ARSH: variants seen among roughly 807,000 people sequenced by gnomAD.
ARSH encodes the protein arylsulfatase family member H, also known as arylsulfatase H.
Under a neutral mutation model 28.7 loss-of-function variants are expected in ARSH, and 32 were observed. The observed-to-expected ratio is 1.11, with a 90% CI of 0.84 to 1.50. The LOEUF (loss-of-function observed/expected upper bound fraction) is 1.50, where lower values mean the gene tolerates loss of function less well. ARSH is among the 40% of genes most tolerant of loss of function. The pLI, the probability that ARSH is intolerant of heterozygous loss-of-function variation, is 0.00. For missense variants in ARSH, 440 were observed against 452.4 expected, an observed-to-expected ratio of 0.97 and a Z score of 0.25; for synonymous variants, 176 against 177.3, an observed-to-expected ratio of 0.99 and a Z score of 0.06.
intron 5 of ARSH, 43 bp from the exon 6 acceptor site, chrX:3,023,978 T>G: frequency 8.3e-7 from 1 of 1,205,131 alleles, no homozygotes; most frequent in Non-Finnish European, 1.1e-6. Flanking sequence ...AGTGGTGATC[T>G]GCATCAAGAG....
At chrX:3,015,520 C>T in intron 4 of ARSH, 127 bp downstream of exon 4, 1 of 669,433 alleles carries the variant, frequency 1.5e-6, no homozygotes, top group African/African-American at 2.2e-5. Context: ...ATTTGGCTTT[C>T]TGTTCCTGTA....
chrX:3,021,685 C>T (rs2089884379), intron 5 of ARSH, among the ~76,000 whole-genome samples: 1 of 101,674 alleles, frequency 9.8e-6, no homozygotes, highest in Non-Finnish European at 2.0e-5. Context: ...AAACTTGTGC[C>T]TATTAAAAAA....
At chrX:3,017,378 C>T (rs1569123719) in intron 4 of ARSH, among the ~76,000 whole-genome samples, 1 of 110,266 alleles carries the variant, frequency 9.1e-6, no homozygotes, top group Non-Finnish European at 1.9e-5. Flanking sequence ...CCAGACTGGG[C>T]AATATAGTGA....
At chrX:3,017,990 T>C (rs2089870469) in intron 4 of ARSH, among the ~76,000 whole-genome samples, 2 of 112,176 alleles carry the variant, frequency 1.8e-5, no homozygotes, top group African/African-American at 6.5e-5. Flanking sequence ...TAAAATGAAC[T>C]GCGTTAAACA....
At position 3,018,643 on chromosome X, in the gene ARSH, A is replaced by G. The variant is rs1904309221; in HGVS notation, c.874A>G (p.Asn292Asp). The change falls in exon 5 of 9, where the codon AAT (asparagine) becomes GAT (aspartate). Residue 292 changes from asparagine to aspartate, a missense_variant. Physicochemically the swap from Asn to Asp is conservative, Grantham distance 23 (BLOSUM62 1). Transcript: ENST00000381130. ...GRSKYGRYGD[N>D]VEEMDWMVGK... ...CAGTAAATATGGCAGGTATGGGGAC[A>G]ATGTAGAAGAAATGGATTGGATGGT... 1 of 1,208,780 alleles carries G rather than the reference A, an allele frequency of 8.3e-7. No homozygotes were observed. The highest frequency in any genetic ancestry group is 2.2e-5 in the Admixed American group (1 of 45,567).
chrX:3,024,207 A>G, intron 6 of ARSH, 52 bp downstream of exon 6: 1 of 1,058,779 alleles, frequency 9.4e-7, no homozygotes, highest in East Asian at 3.4e-5. Context: ...AGTAGTCTCT[A>G]TTGGCTTTGT....
rs1244438253 is a variant in ARSH at position 3,015,255 on chromosome X, CT to C, written c.628del (p.Ser210ProfsTer17). On this transcript the variant is annotated frameshift_variant, in exon 4 of 9. Coordinates refer to ENST00000381130, the MANE Select transcript of ARSH (RefSeq NM_001011719.2). LOFTEE classifies it high-confidence loss of function. Reference protein sequence around the residue: ...VFALLAFLFFTSWYSSYGFTR... With the variant: ...VFALLAFLFFXSWYSSYGFTR... ...GCTCTCCTCGCCTTTCTGTTTTTCA[CT>C]TCCTGGTACTCTAGTTATGGATTTA... The C allele has an allele frequency of 8.3e-7, 1 of 1,209,442 alleles. No homozygotes were observed. The highest frequency in any genetic ancestry group is 3.0e-5 in the East Asian group (1 of 33,761).
intron 6 of ARSH, 55 bp downstream of exon 6, chrX:3,024,210 G>A (rs144609105): frequency 0.015 from 16,157 of 1,052,883 alleles, 113 homozygotes; most frequent in Non-Finnish European, 0.018. Flanking sequence ...AGTCTCTATT[G>A]GCTTTGTGTT....
intron 7 of ARSH, 25 bp from the exon 8 acceptor site, chrX:3,029,222 T>C (rs753697507): frequency 1.7e-6 from 2 of 1,202,056 alleles, no homozygotes; most frequent in South Asian, 3.7e-5. Flanking sequence ...CTCATCACCT[T>C]CTACACACCC....
Position 3,033,961 on chromosome X carries a change from C to T in ARSH, c.*576C>T, listed in dbSNP as rs1449891409. ...CTTTGCTTCCTCGTAGCTATATCAT[C>T]GTGGAAATGTCTCTGTGATTTGGTT... On this transcript the variant is annotated 3_prime_UTR_variant, in exon 9 of 9. Coordinates refer to ENST00000381130, the MANE Select transcript of ARSH (RefSeq NM_001011719.2). 6.3e-5 allele frequency among the ~76,000 whole-genome samples: 7 copies of T among 111,486 alleles called. No homozygotes were observed. Among genetic ancestry groups the T allele is most frequent in the African/African-American group, 2.3e-4 (7 of 30,687 alleles).
chrX:3,015,831 G>GA (rs1011298483), intron 4 of ARSH, among the ~76,000 whole-genome samples: 5 of 106,348 alleles, frequency 4.7e-5, no homozygotes, highest in Non-Finnish European at 9.7e-5. Context: ...AAAAGCTGAG[G>GA]AAAAAAAAAC....
At chrX:3,022,758 C>T (rs768705319) in intron 5 of ARSH, among the ~76,000 whole-genome samples, 1 of 111,679 alleles carries the variant, frequency 9.0e-6, no homozygotes, top group African/African-American at 3.2e-5. Context: ...TAACCATAAC[C>T]CAAACAGCAA....
In ARSH at chrX:3,006,557, G is replaced by A; in HGVS notation, c.-56G>A. On this transcript the variant is annotated 5_prime_UTR_variant, in exon 1 of 9. Coordinates refer to ENST00000381130, the MANE Select transcript of ARSH (RefSeq NM_001011719.2). ...CTTATTTCTAAAAATGCTTTCAGGA[G>A]CTGCTGGCTGTCAGTGTCCCTGTGC... is the stretch of plus-strand genomic sequence containing the variant. 1 of 1,019,948 alleles carries A rather than the reference G, an allele frequency of 9.8e-7. No homozygotes were observed. The highest frequency in any genetic ancestry group is 2.0e-5 in the South Asian group (1 of 49,635). The allele number at this position is 1,019,948 out of a possible 1,213,427, so 84.1% of individuals were successfully genotyped here.
chrX:3,007,576 G>A (rs973046985), intron 1 of ARSH, among the ~76,000 whole-genome samples: 1 of 111,781 alleles, frequency 8.9e-6, no homozygotes, highest in African/African-American at 3.3e-5. Context: ...GGGCAGGGCT[G>A]GTTCCTCCTG....
chrX:3,015,334 A>T lies in ARSH; in HGVS notation c.705A>T (p.Pro235=), dbSNP rs777359770. 3 of 1,210,215 alleles carry T rather than the reference A, an allele frequency of 2.5e-6. No homozygotes were observed. The highest frequency in any genetic ancestry group is 3.4e-6 in the Non-Finnish European group (3 of 895,346). The change falls in exon 4 of 9, where the codon CCA becomes CCT. Residue 235 remains proline, a synonymous_variant. Transcript: ENST00000381130. ...LMRNHEIIQQ[P]MKEEKVASLM... is the part of the protein sequence containing the mutation. ...GGAACCATGAAATTATCCAGCAGCC[A>T]ATGAAAGAGGAGAAAGTAGCTTCCC...
At chrX:3,030,216 A>G (rs1482268626) in intron 8 of ARSH, among the ~76,000 whole-genome samples, 1 of 111,725 alleles carries the variant, frequency 9.0e-6, no homozygotes, top group Non-Finnish European at 1.9e-5. Context: ...CTTTATTATT[A>G]GGCTTTCCAA....
intron 8 of ARSH, among the ~76,000 whole-genome samples, chrX:3,031,451 C>A (rs1352439483): frequency 9.0e-6 from 1 of 111,428 alleles, no homozygotes; most frequent in Non-Finnish European, 1.9e-5. Context: ...CAAATAGCAT[C>A]GTTTGCCTTA....
rs1183166715 is a variant in ARSH at position 3,012,568 on chromosome X, AATATATAT to A, written c.215-455_215-448del. The stretch of plus-strand genomic sequence containing the variant: ...AAAAAAAAAAAAAAAAAAAAAAAAA[AATATATAT>A]ATATATATATATATATATATATAAT... On this transcript the variant is annotated intron_variant, in intron 2 of 8. Transcript: ENST00000381130. Among the ~76,000 whole-genome samples the A allele has an allele frequency of 4.5e-3, 98 of 21,806 alleles. 2 individuals carry two copies. The highest frequency in any genetic ancestry group is 0.024 in the African/African-American group (94 of 3,996). The allele number at this position is 21,806 out of a possible 115,157, so 18.9% of individuals were successfully genotyped here.
At chrX:3,019,829 C>T (rs925045488) in intron 5 of ARSH, among the ~76,000 whole-genome samples, 1 of 111,241 alleles carries the variant, frequency 9.0e-6, no homozygotes, top group Non-Finnish European at 1.9e-5. Flanking sequence ...CTATAAAATA[C>T]TAGTTAAAAT....
Sources: allele counts gnomAD v4.1 joint callset (sites outside exome capture counted in the v4.1 genomes callset), GRCh38; gene constraint gnomAD v4.1.1; transcripts MANE v1.5; gene names NCBI Gene and HGNC (gene_info 2026-07-23, HGNC 2026-07-21).